Variants in CNTN4 observed in about 807,000 individuals in gnomAD.
CNTN4 encodes the protein contactin-4.
CNTN4 carries 77 observed loss-of-function variants against 122.5 expected under a neutral mutation model. That is an observed-to-expected ratio of 0.63 (90% confidence interval 0.52 to 0.76). The LOEUF (loss-of-function observed/expected upper bound fraction) is 0.76. CNTN4 is among the 30% of genes least tolerant of loss of function. CNTN4 has a pLI of 0.00. For synonymous variants in CNTN4, 512 were observed against 447.0 expected (o/e 1.15, Z -1.83); for missense variants, 1,256 against 1,259.1 (o/e 1.00, Z 0.04).
chr3:2,974,274 AG>A (rs1426100127), intron 13 of CNTN4, among the ~76,000 whole-genome samples: 1 of 152,190 alleles, frequency 6.6e-6, no homozygotes, highest in Non-Finnish European at 1.5e-5. Flanking sequence ...CATAGCAACA[AG>A]TTTCCTTTAT....
intron 2 of CNTN4, among the ~76,000 whole-genome samples, chr3:2,231,276 A>T (rs938824588): frequency 2.0e-5 from 3 of 152,174 alleles, no homozygotes; most frequent in Non-Finnish European, 1.5e-5. Flanking sequence ...CAAGTAGGAC[A>T]GCTTGGCTCT....
chr3:3,044,629 C>A (rs1346512883), intron 23 of CNTN4, among the ~76,000 whole-genome samples: 1 of 152,200 alleles, frequency 6.6e-6, no homozygotes, highest in East Asian at 1.9e-4. Context: ...TGGACGTGGG[C>A]AGTTCCAAGA....
intron 6 of CNTN4, among the ~76,000 whole-genome samples, chr3:2,755,461 G>T (rs2090291830): frequency 6.6e-6 from 1 of 152,116 alleles, no homozygotes; most frequent in African/African-American, 2.4e-5. Context: ...ATTGGAATAG[G>T]TAGAAGAAGT....
At chr3:2,427,885 G>C (rs1197590190) in intron 3 of CNTN4, among the ~76,000 whole-genome samples, 2 of 151,490 alleles carry the variant, frequency 1.3e-5, no homozygotes, top group Non-Finnish European at 2.9e-5. Flanking sequence ...CAGAGACTAA[G>C]ATTGCAACCC....
chr3:2,779,318 G>A (rs2091477523), intron 6 of CNTN4, among the ~76,000 whole-genome samples: 1 of 152,110 alleles, frequency 6.6e-6, no homozygotes, highest in African/African-American at 2.4e-5. Flanking sequence ...CCAGGCTTGA[G>A]TGCAATGGTG....
intron 3 of CNTN4, among the ~76,000 whole-genome samples, chr3:2,359,917 G>A (rs2045051936): frequency 6.6e-6 from 1 of 152,082 alleles, no homozygotes; most frequent in African/African-American, 2.4e-5. Context: ...TCTAAGTATT[G>A]TGCAGTATAC....
At chr3:2,179,094 A>G (rs2036892107) in intron 2 of CNTN4, among the ~76,000 whole-genome samples, 1 of 152,044 alleles carries the variant, frequency 6.6e-6, no homozygotes, top group African/African-American at 2.4e-5. Flanking sequence ...GCAATTATAA[A>G]TGTCCTGTTA....
At chr3:2,499,610 C>T (rs1341600810) in intron 3 of CNTN4, among the ~76,000 whole-genome samples, 1 of 152,024 alleles carries the variant, frequency 6.6e-6, no homozygotes, top group East Asian at 1.9e-4. Context: ...GTCTCTCTGC[C>T]AGTATCACAC....
At chr3:2,523,370 A>AAC (rs1491342166) in intron 3 of CNTN4, among the ~76,000 whole-genome samples, 1 of 150,228 alleles carries the variant, frequency 6.7e-6, no homozygotes, top group Admixed American at 6.6e-5. Context: ...AAAAAAAAAA[A>AAC]AACAAAACTT....
At chr3:2,695,492 G>A (rs1032042552) in intron 4 of CNTN4, among the ~76,000 whole-genome samples, 1 of 152,174 alleles carries the variant, frequency 6.6e-6, no homozygotes, top group African/African-American at 2.4e-5. Flanking sequence ...CCAAATTGCT[G>A]TTTGTTTTTT....
Position 2,649,855 on chromosome 3 carries a change from A to T in CNTN4, c.55+78297A>T, listed in dbSNP as rs142561931. Among the ~76,000 whole-genome samples, 245 of 152,066 alleles carry T rather than the reference A, an allele frequency of 1.6e-3. 4 individuals carry two copies. The highest frequency in any genetic ancestry group is 5.8e-3 in the African/African-American group (240 of 41,506). ...CCATTAAGAAAATTTGTGGCTGGGC[A>T]CGGTGGCTCATACCTGTAATACTAG... On this transcript the variant is annotated intron_variant, in intron 4 of 24. Coordinates refer to ENST00000418658, the MANE Select transcript of CNTN4 (RefSeq NM_175607.3).
At chr3:2,365,107 T>C (rs1026903436) in intron 3 of CNTN4, among the ~76,000 whole-genome samples, 1 of 152,180 alleles carries the variant, frequency 6.6e-6, no homozygotes, top group African/African-American at 2.4e-5. Flanking sequence ...AATTTTTTTT[T>C]TATGATGACA....
At chr3:2,958,115 C>T (rs2094818520) in intron 13 of CNTN4, among the ~76,000 whole-genome samples, 1 of 152,144 alleles carries the variant, frequency 6.6e-6, no homozygotes, top group Non-Finnish European at 1.5e-5. Flanking sequence ...ACTGTAGCAT[C>T]TCTAGGCCCA....
intron 13 of CNTN4, among the ~76,000 whole-genome samples, chr3:2,983,337 A>G (rs1029325217): frequency 6.9e-6 from 1 of 144,242 alleles, no homozygotes; most frequent in African/African-American, 2.5e-5. Flanking sequence ...TTCTGTGTCT[A>G]TTTGGTGTCA....
intron 3 of CNTN4, among the ~76,000 whole-genome samples, chr3:2,422,996 C>T (rs1239753027): frequency 6.6e-6 from 1 of 152,132 alleles, no homozygotes; most frequent in African/African-American, 2.4e-5. Context: ...CTTTAGTTGC[C>T]CTCTTTTTCA....
intron 2 of CNTN4, among the ~76,000 whole-genome samples, chr3:2,123,272 C>G (rs2033915153): frequency 6.6e-6 from 1 of 152,172 alleles, no homozygotes. Flanking sequence ...TTCAAAACGG[C>G]TGAGTGCATT....
intron 4 of CNTN4, among the ~76,000 whole-genome samples, chr3:2,642,136 C>G (rs984108634): frequency 1.3e-5 from 2 of 152,210 alleles, no homozygotes; most frequent in African/African-American, 4.8e-5. Context: ...AATCCCAAAA[C>G]CTCAAAAGTA....
At chr3:2,745,312 T>A (rs1313148726) in intron 5 of CNTN4, among the ~76,000 whole-genome samples, 1 of 152,198 alleles carries the variant, frequency 6.6e-6, no homozygotes, top group Non-Finnish European at 1.5e-5. Context: ...AATTTTAATA[T>A]CATTGTTTAC....
chr3:2,463,209 A>T (rs568018302), intron 3 of CNTN4, among the ~76,000 whole-genome samples: 80 of 150,996 alleles, frequency 5.3e-4, no homozygotes, highest in Middle Eastern at 3.5e-3. Flanking sequence ...GGGCTTTTTA[A>T]AAAAAAAAAA....
Sources: allele counts gnomAD v4.1 joint callset (sites outside exome capture counted in the v4.1 genomes callset), GRCh38; gene constraint gnomAD v4.1.1; transcripts MANE v1.5; gene names NCBI Gene and HGNC (gene_info 2026-07-23, HGNC 2026-07-21).